Variants in ATG10 observed in about 807,000 individuals in gnomAD.
ATG10 encodes the protein ubiquitin-like-conjugating enzyme ATG10.
ATG10 carries 30 observed loss-of-function variants against 32.1 expected under a neutral mutation model. The observed-to-expected ratio is 0.94, with a 90% CI of 0.70 to 1.27. The LOEUF is 1.27. Ranked by LOEUF, ATG10 falls within the 50% of genes most tolerant of loss-of-function variation. The probability of loss-of-function intolerance (pLI) is 0.00; values close to 1 mark genes in which losing one functional copy is unlikely to be tolerated. For missense variants in ATG10, 233 were observed against 262.3 expected (o/e 0.89, Z 0.77); for synonymous variants, 87 against 91.5 (o/e 0.95, Z 0.28).
intron 1 of ATG10, among the ~76,000 whole-genome samples, chr5:81,972,812 C>A (rs980823241): frequency 4.0e-5 from 6 of 151,688 alleles, no homozygotes; most frequent in South Asian, 4.2e-4. Flanking sequence ...GCGGGGAGGA[C>A]CGGAGAATGA....
chr5:82,115,058 GCA>G (rs1765751243), intron 3 of ATG10, among the ~76,000 whole-genome samples: 1 of 152,002 alleles, frequency 6.6e-6, no homozygotes, highest in Admixed American at 6.6e-5. Flanking sequence ...ATATTGAAAA[GCA>G]CAGTTTTAGA....
chr5:82,161,164 C>T (rs925612868), intron 3 of ATG10, among the ~76,000 whole-genome samples: 4 of 152,154 alleles, frequency 2.6e-5, no homozygotes, highest in Non-Finnish European at 5.9e-5. Flanking sequence ...TGGAAAGATG[C>T]TAGCAGACAC....
chr5:82,030,172 T>A (rs1482078021), intron 2 of ATG10, among the ~76,000 whole-genome samples: 1 of 152,106 alleles, frequency 6.6e-6, no homozygotes, highest in Non-Finnish European at 1.5e-5. Flanking sequence ...GACTTGGGTG[T>A]TTCTGGGCTT....
chr5:82,041,578 A>T (rs1763082920), intron 2 of ATG10, among the ~76,000 whole-genome samples: 1 of 152,238 alleles, frequency 6.6e-6, no homozygotes, highest in African/African-American at 2.4e-5. Context: ...TCCTAAAAAG[A>T]TACAGAAATA....
intron 2 of ATG10, among the ~76,000 whole-genome samples, chr5:82,022,263 A>G (rs1561259155): frequency 1.3e-5 from 2 of 152,018 alleles, no homozygotes; most frequent in East Asian, 3.9e-4. Context: ...GACTGGATGT[A>G]TATACGTATT....
intron 4 of ATG10, among the ~76,000 whole-genome samples, chr5:82,173,276 A>G (rs1743873461): frequency 6.6e-6 from 1 of 152,220 alleles, no homozygotes. Context: ...CATGAAAACT[A>G]ATAGCCCTGA....
At position 82,105,170 on chromosome 5, in the gene ATG10, A is replaced by G. The variant is rs534141681; in HGVS notation, c.216+46568A>G. On this transcript the variant is annotated intron_variant, in intron 3 of 7. Coordinates refer to ENST00000282185, the MANE Select transcript of ATG10 (RefSeq NM_031482.5). Reference sequence around the variant, plus strand: ...TTAATAGGGTAAATTGATTACTGTAAGGAATGCAAAAAGCATAGATTTTAT... The same window carrying G: ...TTAATAGGGTAAATTGATTACTGTAGGGAATGCAAAAAGCATAGATTTTAT... 2.6e-5 allele frequency among the ~76,000 whole-genome samples: 4 copies of G among 152,268 alleles called. No individual in the cohort carries two copies. The East Asian group carries it at 7.7e-4, about 29-fold the overall frequency.
chr5:82,042,872 T>C (rs1225982776), intron 2 of ATG10, among the ~76,000 whole-genome samples: 2 of 152,172 alleles, frequency 1.3e-5, no homozygotes, highest in Admixed American at 6.5e-5. Context: ...ACAGCTCCCA[T>C]GGCTGCTTTC....
At chr5:82,202,574 C>T (rs892289075) in intron 5 of ATG10, among the ~76,000 whole-genome samples, 8 of 152,116 alleles carry the variant, frequency 5.3e-5, no homozygotes, top group Non-Finnish European at 1.0e-4. Flanking sequence ...ATTACTCCAG[C>T]TATGTGCTCT....
At chr5:82,151,926 A>G (rs987449601) in intron 3 of ATG10, among the ~76,000 whole-genome samples, 8 of 152,182 alleles carry the variant, frequency 5.3e-5, no homozygotes, top group Admixed American at 2.0e-4. Context: ...CTCTTTATGG[A>G]TCTGTAGATC....
At chr5:82,108,722 G>T (rs1391043854) in intron 3 of ATG10, among the ~76,000 whole-genome samples, 2 of 151,932 alleles carry the variant, frequency 1.3e-5, no homozygotes, top group Non-Finnish European at 2.9e-5. Context: ...GTGCATCAGA[G>T]ACATTACAAA....
At chr5:82,163,846 G>A (rs1411771649) in intron 3 of ATG10, among the ~76,000 whole-genome samples, 1 of 152,138 alleles carries the variant, frequency 6.6e-6, no homozygotes, top group Non-Finnish European at 1.5e-5. Flanking sequence ...ACCAAAGATA[G>A]CACAATAATG....
chr5:82,105,230 A>G (rs1402599476), intron 3 of ATG10, among the ~76,000 whole-genome samples: 1 of 152,132 alleles, frequency 6.6e-6, no homozygotes, highest in African/African-American at 2.4e-5. Context: ...AATAAACCAC[A>G]TCGTAAATTT....
intron 3 of ATG10, among the ~76,000 whole-genome samples, chr5:82,059,975 A>T (rs750325138): frequency 6.6e-6 from 1 of 152,216 alleles, no homozygotes; most frequent in African/African-American, 2.4e-5. Context: ...TAACATAGAA[A>T]TGGTGATTTT....
At chr5:82,114,632 G>A (rs1346329805) in intron 3 of ATG10, among the ~76,000 whole-genome samples, 1 of 152,054 alleles carries the variant, frequency 6.6e-6, no homozygotes, top group East Asian at 1.9e-4. Context: ...GTTCTGGGCT[G>A]TTGGTCTCCC....
intron 3 of ATG10, among the ~76,000 whole-genome samples, chr5:82,159,902 A>G (rs780351282): frequency 2.0e-5 from 3 of 152,222 alleles, no homozygotes; most frequent in Admixed American, 6.5e-5. Context: ...TAGTAATAAG[A>G]AATAACAATC....
At chr5:82,108,619 TC>T (rs935792625) in intron 3 of ATG10, among the ~76,000 whole-genome samples, 6 of 152,144 alleles carry the variant, frequency 3.9e-5, no homozygotes, top group African/African-American at 1.4e-4. Flanking sequence ...GTACTCAAAT[TC>T]TAGGTTGTTT....
intron 2 of ATG10, among the ~76,000 whole-genome samples, chr5:82,006,026 G>T (rs1761978687): frequency 6.6e-6 from 1 of 152,074 alleles, no homozygotes; most frequent in Non-Finnish European, 1.5e-5. Context: ...GAAAGGGCTT[G>T]TTTGCTAATT....
intron 2 of ATG10, among the ~76,000 whole-genome samples, chr5:82,055,447 C>T (rs1323993333): frequency 6.6e-6 from 1 of 152,010 alleles, no homozygotes; most frequent in South Asian, 2.1e-4. Flanking sequence ...TAGGTGCACA[C>T]GAATTTTTGA....
Sources: gnomAD v4.1 joint callset for allele counts (sites outside exome capture counted in the v4.1 genomes callset) on GRCh38, gnomAD v4.1.1 for gene constraint, MANE v1.5 for transcripts, NCBI Gene and HGNC (gene_info 2026-07-23, HGNC 2026-07-21) for gene names.